Variants in APC observed in about 807,000 individuals in gnomAD.
APC encodes adenomatous polyposis coli protein.
In APC, 72 loss-of-function variants were observed where a neutral mutation model predicts 247.0. The ratio of observed to expected loss-of-function variants is 0.29; its 90% confidence interval spans 0.24 to 0.35. The LOEUF is 0.35. Among genes scored for constraint, APC ranks in the 10% least tolerant of loss-of-function variants. The pLI, the probability that APC is intolerant of heterozygous loss-of-function variation, is 1.00. For missense variants in APC, 3,400 were observed against 3,360.7 expected, an observed-to-expected ratio of 1.01 and a Z score of -0.29; for synonymous variants, 1,254 against 1,162.5, an observed-to-expected ratio of 1.08 and a Z score of -1.60.
intron 8 of APC, among the ~76,000 whole-genome samples, chr5:112,814,122 A>T (rs924612934): frequency 3.9e-5 from 6 of 152,226 alleles, no homozygotes; most frequent in African/African-American, 7.2e-5. Flanking sequence ...GTCCTCAAAT[A>T]ACTTACATTT....
At chr5:112,764,078 T>TAA (rs36096224) in intron 2 of APC, among the ~76,000 whole-genome samples, 1 of 139,692 alleles carries the variant, frequency 7.2e-6, no homozygotes, top group East Asian at 2.1e-4. Context: ...TCTACTATAC[T>TAA]AAAAAAAAAA....
In APC at chr5:112,823,311, G is replaced by A. The variant is rs1312839250; in HGVS notation, c.1408+1320G>A. The A allele has an allele frequency of 2.0e-5, 3 of 152,560 alleles. No homozygotes were observed. In the East Asian group the frequency reaches 5.8e-4, roughly 29 times the overall value. 9.5% of individuals were successfully genotyped at this position (152,560 alleles called of 1,614,324 possible). On this transcript the variant is annotated intron_variant, in intron 11 of 15. Coordinates refer to ENST00000257430, the MANE Select transcript of APC (RefSeq NM_000038.6). Reference sequence around the variant, plus strand: ...TTGTTCCTCTTCCTTCTTCAGGTAGGAAGGCTACCCGGGGCATTTCATCAC... The same window carrying A: ...TTGTTCCTCTTCCTTCTTCAGGTAGAAAGGCTACCCGGGGCATTTCATCAC...
chr5:112,729,591 C>T (rs138573493), intron 1 of APC, among the ~76,000 whole-genome samples: 1 of 152,100 alleles, frequency 6.6e-6, no homozygotes, highest in East Asian at 1.9e-4. Flanking sequence ...AGTTGTAAAC[C>T]AAGGTAAAGA....
Position 112,843,005 on chromosome 5 carries a change from C to G in APC, c.7411C>G (p.Pro2471Ala), listed in dbSNP as rs1324082067. 1.2e-6 allele frequency: 2 copies of G among 1,613,976 alleles called. No individual in the cohort carries two copies. The highest frequency in any genetic ancestry group is 1.7e-6 in the Non-Finnish European group (2 of 1,179,904). The change falls in exon 16 of 16, where the codon CCA (proline) becomes GCA (alanine). Residue 2471 changes from proline to alanine, a missense_variant. Coordinates refer to ENST00000257430, the MANE Select transcript of APC (RefSeq NM_000038.6). The surrounding 1 kb of genome is among the most constrained non-coding windows in gnomAD (Gnocchi z 4.8). Reference sequence around the variant, plus strand: ...TGAATCTCTTTCTCCATCATCTAGACCAGCTTCTCCCACTAGGTCCCAGGC... The same window carrying G: ...TGAATCTCTTTCTCCATCATCTAGAGCAGCTTCTCCCACTAGGTCCCAGGC... ...SFESLSPSSR[P>A]ASPTRSQAQT...
intron 8 of APC, among the ~76,000 whole-genome samples, chr5:112,812,492 C>T (rs1159377546): frequency 1.3e-5 from 2 of 152,202 alleles, no homozygotes; most frequent in African/African-American, 2.4e-5. Context: ...TCTCCACACA[C>T]ACACAAACAC....
intron 1 of APC, among the ~76,000 whole-genome samples, chr5:112,715,186 C>A (rs1412342631): frequency 6.6e-6 from 1 of 152,056 alleles, no homozygotes; most frequent in African/African-American, 2.4e-5. Context: ...TCAACAAAAC[C>A]AAAACCAATT....
intron 15 of APC, among the ~76,000 whole-genome samples, chr5:112,835,733 C>T (rs1263652792): frequency 6.6e-6 from 1 of 151,832 alleles, no homozygotes; most frequent in Admixed American, 6.6e-5. Flanking sequence ...CCACAACACC[C>T]GGCTAATTTT....
rs749158893 is a variant in APC at position 112,834,262 on chromosome 5, A to T, written c.1744-689A>T. Among the ~76,000 whole-genome samples the T allele has an allele frequency of 0.017, 592 of 35,242 alleles. 4 individuals carry two copies. In the East Asian group the frequency reaches 0.18, roughly 11 times the overall value. 23.1% of individuals were successfully genotyped at this position (35,242 alleles called of 152,430 possible). On this transcript the variant is annotated intron_variant, in intron 14 of 15. Coordinates refer to ENST00000257430, the MANE Select transcript of APC (RefSeq NM_000038.6). ...CCTTTTTTTTTTTTTTTTTTTTTTA[A>T]AAAGAGTTTCGCTCTGTCAGCCAGG... is the stretch of plus-strand genomic sequence containing the variant.
At chr5:112,763,667 A>G (rs952707168) in intron 2 of APC, among the ~76,000 whole-genome samples, 1 of 152,130 alleles carries the variant, frequency 6.6e-6, no homozygotes, top group African/African-American at 2.4e-5. Flanking sequence ...AACAAGTAGG[A>G]TTTTTTCTAA....
chr5:112,842,993 C>G lies in APC; in HGVS notation c.7399C>G (p.Pro2467Ala), dbSNP rs372305287. 10 of 1,614,024 alleles carry G rather than the reference C, an allele frequency of 6.2e-6. No individual in the cohort carries two copies. The highest frequency in any genetic ancestry group is 2.7e-5 in the African/African-American group (2 of 75,020). Residue 2467 changes from proline (P) to alanine (A), a missense_variant, in exon 16 of 16, where the codon CCA becomes GCA. This residue lies in a region of APC where 1,788 missense variants were observed against 1,649.5 expected (regional missense o/e 1.08). Coordinates refer to ENST00000257430, the MANE Select transcript of APC (RefSeq NM_000038.6). ...ATCTGCTTCATTTGAATCTCTTTCT[C>G]CATCATCTAGACCAGCTTCTCCCAC... is the stretch of plus-strand genomic sequence containing the variant. Reference protein sequence around the residue: ...EESASFESLSPSSRPASPTRS... With the variant: ...EESASFESLSASSRPASPTRS...
intron 14 of APC, among the ~76,000 whole-genome samples, chr5:112,834,226 A>ACTGTGCCCGGCCACATGCCGGGCCTTAAT (rs1486726124): frequency 6.9e-6 from 1 of 144,238 alleles, no homozygotes. Flanking sequence ...GGCATGAGCC[A>ACTGTGCCCGGCCACATGCCGGGCCTTAAT]CCACGTTGCG....
chr5:112,786,886 C>CTTTTTCT lies in APC; in HGVS notation c.646-5555_646-5554insCTTTTTT, dbSNP rs1283772313. On this transcript the variant is annotated intron_variant, in intron 6 of 15. Transcript: ENST00000257430. The stretch of plus-strand genomic sequence containing the variant: ...TACTCAACCCTGCCTTTTTCTTTTT[C>CTTTTTCT]TTTTTTTTTTTTTTTTTTTGAGTCA... 3.4e-5 allele frequency among the ~76,000 whole-genome samples: 4 copies of CTTTTTCT among 118,134 alleles called. No individual in the cohort carries two copies. In the East Asian group the frequency reaches 1.1e-3, roughly 33 times the overall value. 77.5% of individuals were successfully genotyped at this position (118,134 alleles called of 152,430 possible). A position where few individuals can be genotyped will look rare whatever the true frequency, so the allele number is the denominator to read the frequency against.
intron 8 of APC, among the ~76,000 whole-genome samples, chr5:112,806,933 G>C (rs1761476097): frequency 6.6e-6 from 1 of 152,072 alleles, no homozygotes; most frequent in East Asian, 1.9e-4. Flanking sequence ...AGGAGTTCGA[G>C]ACCAGCCTGG....
rs2149937895 is a variant in APC at position 112,840,934 on chromosome 5, A to T, written c.5340A>T (p.Pro1780=). The change falls in exon 16 of 16, where the codon CCA becomes CCT. Residue 1780 remains proline (P), a synonymous_variant. Coordinates refer to ENST00000257430, the MANE Select transcript of APC (RefSeq NM_000038.6). The surrounding 1 kb of genome is among the most constrained non-coding windows in gnomAD (Gnocchi z 4.1). Reference sequence around the variant, plus strand: ...CAACTTCACCAGTAAAACCTATACCACAAAATACTGAATATAGGACACGTG... The same window carrying T: ...CAACTTCACCAGTAAAACCTATACCTCAAAATACTGAATATAGGACACGTG... ...KKPTSPVKPI[P]QNTEYRTRVR... is the part of the protein sequence containing the mutation. The T allele has an allele frequency of 6.2e-7, 1 of 1,613,798 alleles. No homozygotes were observed. Among genetic ancestry groups the T allele is most frequent in the Non-Finnish European group, 8.5e-7 (1 of 1,179,738 alleles).
intron 5 of APC, among the ~76,000 whole-genome samples, chr5:112,776,702 A>G (rs1183412440): frequency 6.6e-6 from 1 of 152,038 alleles, no homozygotes; most frequent in Non-Finnish European, 1.5e-5. Context: ...TTAGCCAGAC[A>G]TGGTGGTGCA....
intron 1 of APC, among the ~76,000 whole-genome samples, chr5:112,731,371 A>G (rs1174715882): frequency 6.6e-6 from 1 of 152,236 alleles, no homozygotes; most frequent in Non-Finnish European, 1.5e-5. Flanking sequence ...GAGACGTCCA[A>G]GAGCATGGCA....
At chr5:112,770,095 CAG>C (rs1168945555) in intron 4 of APC, among the ~76,000 whole-genome samples, 2 of 152,120 alleles carry the variant, frequency 1.3e-5, no homozygotes, top group Non-Finnish European at 2.9e-5. Context: ...ATTTTATTAG[CAG>C]AGAGAGGGAA....
At chr5:112,786,907 AG>A in intron 6 of APC, among the ~76,000 whole-genome samples, 1 of 39,272 alleles carries the variant, frequency 2.5e-5, no homozygotes, top group Non-Finnish European at 6.1e-5. Context: ...TTTTTTTTTG[AG>A]TCAGAGTCTT....
chr5:112,843,976 C>T lies in APC; in HGVS notation c.8382C>T (p.Ser2794=), dbSNP rs762190393. ...FNYNPSPRKS[S]ADSTSARPSQ... is the part of the protein sequence containing the mutation. ...ACAACCCAAGCCCTAGGAAAAGCAG[C>T]GCAGATAGCACTTCAGCTCGGCCAT... is the stretch of plus-strand genomic sequence containing the variant. The change falls in exon 16 of 16, where the codon AGC becomes AGT. Residue 2794 remains serine (S), a synonymous_variant. Transcript: ENST00000257430. This position sits in a 1 kb window ranked among gnomAD's most constrained non-coding sequence, Gnocchi z 4.8. The T allele has an allele frequency of 1.2e-5, 19 of 1,602,272 alleles. No homozygotes were observed. Among genetic ancestry groups the T allele is most frequent in the Admixed American group, 3.4e-5 (2 of 58,112 alleles).
Sources: gnomAD v4.1 joint callset for allele counts (sites outside exome capture counted in the v4.1 genomes callset) on GRCh38, gnomAD v4.1.1 for gene constraint, gnomAD v4.1.1 regional missense constraint, Gnocchi (gnomAD v3.1) non-coding constraint, MANE v1.5 for transcripts, NCBI Gene and HGNC (gene_info 2026-07-23, HGNC 2026-07-21) for gene names.